Variants in PDE11A observed in about 807,000 individuals in gnomAD.
PDE11A encodes dual 3',5'-cyclic-AMP and -GMP phosphodiesterase 11A.
Under a neutral mutation model 100.5 loss-of-function variants are expected in PDE11A, and 100 were observed. The ratio of observed to expected loss-of-function variants is 1.00; its 90% CI spans 0.85 to 1.18. The LOEUF is 1.18. Ranked by LOEUF, PDE11A falls within the 50% of genes most tolerant of loss-of-function variation. The pLI, the probability that PDE11A is intolerant of heterozygous loss-of-function variation, is 0.00. For synonymous variants in PDE11A, 381 were observed against 420.8 expected (o/e 0.91, Z 1.16); for missense variants, 1,141 against 1,152.6 (o/e 0.99, Z 0.15).
intron 10 of PDE11A, among the ~76,000 whole-genome samples, chr2:177,730,268 G>A (rs1574086444): frequency 6.6e-6 from 1 of 152,006 alleles, no homozygotes; most frequent in South Asian, 2.1e-4. Context: ...GATGTTCCCC[G>A]CCCTGTGTTC....
At chr2:177,867,596 C>T (rs2084052597) in intron 5 of PDE11A, among the ~76,000 whole-genome samples, 1 of 152,002 alleles carries the variant, frequency 6.6e-6, no homozygotes, top group South Asian at 2.1e-4. Flanking sequence ...GGTGTGGTGG[C>T]GGGCCTGTAG....
At chr2:177,861,198 A>G (rs1463268891) in intron 5 of PDE11A, among the ~76,000 whole-genome samples, 1 of 151,802 alleles carries the variant, frequency 6.6e-6, no homozygotes, top group South Asian at 2.1e-4. Flanking sequence ...ATTTTAAGGA[A>G]TTCAGAAAAA....
intron 2 of PDE11A, among the ~76,000 whole-genome samples, chr2:178,081,886 G>C (rs1447886103): frequency 6.6e-6 from 1 of 152,206 alleles, no homozygotes; most frequent in Non-Finnish European, 1.5e-5. Context: ...TTGCATTTCT[G>C]CAATAGAACT....
At chr2:178,051,843 G>A (rs1169884466) in intron 1 of PDE11A, among the ~76,000 whole-genome samples, 1 of 152,094 alleles carries the variant, frequency 6.6e-6, no homozygotes, top group Non-Finnish European at 1.5e-5. Flanking sequence ...CCCAATACAG[G>A]AGAACCCAGA....
rs1362599642 is a variant in PDE11A, at chr2:178,072,659, T to C, written c.-222A>G. The C allele has an allele frequency of 1.4e-6, 2 of 1,452,382 alleles. No homozygotes were observed. Among genetic ancestry groups the C allele is most frequent in the Non-Finnish European group, 1.8e-6 (2 of 1,105,720 alleles). 90.0% of individuals were successfully genotyped at this position (1,452,382 alleles called of 1,614,324 possible). A position where few individuals can be genotyped will look rare whatever the true frequency, so the allele number is the denominator to read the frequency against. On this transcript the variant is annotated 5_prime_UTR_variant, in exon 1 of 20. Transcript: ENST00000286063. ...CACCCCGTGGTCCTGCTACTCCTGCTCCGCACAGGTGCCCAGCACTGAGCT... is the reference window on the plus strand; with the variant it reads ...CACCCCGTGGTCCTGCTACTCCTGCCCCGCACAGGTGCCCAGCACTGAGCT...
At chr2:177,668,312 A>G (rs76085148) in intron 18 of PDE11A, among the ~76,000 whole-genome samples, 4,025 of 152,214 alleles carry the variant, frequency 0.026, 162 homozygotes, top group African/African-American at 0.091. Flanking sequence ...AACAGTTTTT[A>G]AAGGGGGAAA....
intron 15 of PDE11A, among the ~76,000 whole-genome samples, chr2:177,691,919 C>A (rs1367034804): frequency 6.6e-6 from 1 of 152,142 alleles, no homozygotes; most frequent in East Asian, 1.9e-4. Context: ...AATGTAAATT[C>A]TTGGTAAACA....
At chr2:177,813,839 A>T (rs1032171220) in intron 9 of PDE11A, among the ~76,000 whole-genome samples, 30 of 152,110 alleles carry the variant, frequency 2.0e-4, no homozygotes, top group African/African-American at 7.0e-4. Context: ...AACCGGAAAA[A>T]AAAAAAGACA....
At chr2:177,758,400 A>G (rs1336981899) in intron 10 of PDE11A, among the ~76,000 whole-genome samples, 1 of 152,016 alleles carries the variant, frequency 6.6e-6, no homozygotes, top group Non-Finnish European at 1.5e-5. Context: ...TTGACTATAG[A>G]TGTTCTGATA....
chr2:177,808,682 C>A (rs2082907145), intron 9 of PDE11A, among the ~76,000 whole-genome samples: 1 of 152,150 alleles, frequency 6.6e-6, no homozygotes, highest in Admixed American at 6.5e-5. Context: ...CTAGCAGACA[C>A]TGGTAGCTGA....
intron 2 of PDE11A, among the ~76,000 whole-genome samples, chr2:177,926,198 C>T (rs899502266): frequency 4.6e-5 from 7 of 152,106 alleles, no homozygotes; most frequent in Admixed American, 1.3e-4. Context: ...TCAATATATG[C>T]TTTAAGCTAA....
At chr2:177,705,759 G>A (rs761791138) in intron 13 of PDE11A, among the ~76,000 whole-genome samples, 2 of 152,216 alleles carry the variant, frequency 1.3e-5, no homozygotes, top group Non-Finnish European at 2.9e-5. Context: ...GAGATGGTGA[G>A]GAATGGGATT....
chr2:177,637,010 G>A (rs556018897), intron 19 of PDE11A, among the ~76,000 whole-genome samples: 1 of 152,316 alleles, frequency 6.6e-6, no homozygotes, highest in Admixed American at 6.5e-5. Flanking sequence ...TTCTTCTTGG[G>A]CCAAATACAT....
chr2:177,743,606 G>A (rs73030331), intron 10 of PDE11A, among the ~76,000 whole-genome samples: 1 of 152,218 alleles, frequency 6.6e-6, no homozygotes, highest in Non-Finnish European at 1.5e-5. Flanking sequence ...CCCTTGAAGA[G>A]AAATTAAAAG....
In PDE11A at chr2:177,890,909, C is replaced by T. The variant is rs542513842; in HGVS notation, c.1302+7149G>A. Among the ~76,000 whole-genome samples the T allele has an allele frequency of 3.3e-5, 5 of 152,206 alleles. No individual in the cohort carries two copies. The South Asian group carries it at 1.0e-3, about 32-fold the overall frequency. On this transcript the variant is annotated intron_variant, in intron 4 of 19. Transcript: ENST00000286063. The stretch of plus-strand genomic sequence containing the variant: ...TCTTTTTATATATGTTGTTTCTCCC[C>T]TTTATTATTCACCTAAAATTATATC...
chr2:178,018,700 C>A (rs1438092591), intron 1 of PDE11A, among the ~76,000 whole-genome samples: 1 of 152,164 alleles, frequency 6.6e-6, no homozygotes, highest in African/African-American at 2.4e-5. Flanking sequence ...GTGCACACCA[C>A]CATGCCCAGC....
At chr2:177,944,955 T>C (rs59479905) in intron 2 of PDE11A, among the ~76,000 whole-genome samples, 106,860 of 145,966 alleles carry the variant, frequency 0.73, 40,106 homozygotes, top group East Asian at 0.79. Flanking sequence ...CTCAGCCTGC[T>C]GAGTGCCTGC....
chr2:177,836,560 A>T (rs2083403354), intron 6 of PDE11A, among the ~76,000 whole-genome samples: 1 of 152,242 alleles, frequency 6.6e-6, no homozygotes, highest in Non-Finnish European at 1.5e-5. Flanking sequence ...GAATAAAAGC[A>T]GGCTGCCGGA....
chr2:177,742,871 TCC>T (rs1216695675), intron 10 of PDE11A, among the ~76,000 whole-genome samples: 1 of 152,074 alleles, frequency 6.6e-6, no homozygotes, highest in Non-Finnish European at 1.5e-5. Flanking sequence ...TGACTTTTAA[TCC>T]CCATCCTGAA....
Sources: gnomAD v4.1 joint callset for allele counts (sites outside exome capture counted in the v4.1 genomes callset) on GRCh38, gnomAD v4.1.1 for gene constraint, MANE v1.5 for transcripts, NCBI Gene and HGNC (gene_info 2026-07-23, HGNC 2026-07-21) for gene names.